The following RDH16 variants were observed in gnomAD, a reference collection of about 807,000 sequenced individuals.
The protein encoded by RDH16 is retinol dehydrogenase 16.
A neutral mutation model predicts 22.3 loss-of-function variants in RDH16; 25 were observed. That is an observed-to-expected ratio of 1.12 (90% CI 0.82 to 1.56). RDH16 has a LOEUF of 1.56. RDH16 is among the 40% of genes most tolerant of loss of function. RDH16 has a pLI of 0.00. For synonymous variants in RDH16, 154 were observed against 164.4 expected (o/e 0.94, Z 0.48); for missense variants, 413 against 394.9 (o/e 1.05, Z -0.39).
chr12:56,952,197 C>T lies in RDH16; in HGVS notation c.786G>A (p.Ser262=), dbSNP rs372244884. The T allele has an allele frequency of 4.4e-5, 71 of 1,614,158 alleles. No individual in the cohort carries two copies. The highest frequency in any genetic ancestry group is 2.9e-4 in the African/African-American group (22 of 75,032). ...QMEQKCTQDL[S]LVTNCMEHAL... ...CATGCTCCATGCAGTTGGTCACCAA[C>T]GACAGATCCTGTGTGCACTTCTGCT... The change falls in exon 4 of 4, where the codon TCG becomes TCA. Residue 262 remains serine, a synonymous_variant. Coordinates refer to ENST00000398138, the MANE Select transcript of RDH16 (RefSeq NM_003708.5).
At position 56,952,854 on chromosome 12, in the gene RDH16, C is replaced by A. The variant is rs746561570; in HGVS notation, c.709G>T (p.Ala237Ser). ...TCTGCAACAAACTTCTCGCCATAGG[C>A]CTCCTTGACCTCTGGACTGGACCGG... is the stretch of plus-strand genomic sequence containing the variant. ...WDRSSPEVKE[A>S]YGEKFVADYK... The change falls in exon 3 of 4, where the codon GCC becomes TCC. Residue 237 changes from alanine (A) to serine (S), a missense_variant. Coordinates refer to ENST00000398138, the MANE Select transcript of RDH16 (RefSeq NM_003708.5). 3.1e-6 allele frequency: 5 copies of A among 1,613,694 alleles called. No individual in the cohort carries two copies. In the African/African-American group the frequency reaches 4.0e-5, roughly 13 times the overall value.
chr12:56,954,932 G>A lies in RDH16; in HGVS notation c.546C>T (p.Gly182=), dbSNP rs371584046. The A allele has an allele frequency of 3.8e-5, 62 of 1,614,124 alleles. No individual in the cohort carries two copies. Among genetic ancestry groups the A allele is most frequent in the Admixed American group, 1.0e-4 (6 of 60,022 alleles). ...FGGGYCISKY[G]VEAFSDSLRR... The stretch of plus-strand genomic sequence containing the variant: ...TGAGGGAGTCAGAGAAGGCTTCCAC[G>A]CCATACTTGGAGATGCAGTAGCCTC... The change falls in exon 2 of 4, where the codon GGC becomes GGT. Residue 182 remains glycine, a synonymous_variant. Coordinates refer to ENST00000398138, the MANE Select transcript of RDH16 (RefSeq NM_003708.5).
At chr12:56,952,346 C>T (rs1019369540) in intron 3 of RDH16, 100 bp from the exon 4 acceptor site, 5 of 1,071,326 alleles carry the variant, frequency 4.7e-6, no homozygotes, top group Non-Finnish European at 6.8e-6. Context: ...TCATGCCACC[C>T]CACAACCCCC....
chr12:56,954,979 C>G lies in RDH16; in HGVS notation c.499G>C (p.Gly167Arg), dbSNP rs1456570631. 15 of 1,614,050 alleles carry G rather than the reference C, an allele frequency of 9.3e-6. No individual in the cohort carries two copies. Among genetic ancestry groups the G allele is most frequent in the Non-Finnish European group, 1.2e-5 (14 of 1,180,030 alleles). ...CCTCCACCAAAAAGTGACACCCGGCCCATGACACTGGAGACGTTGACCACA... is the reference window on the plus strand; with the variant it reads ...CCTCCACCAAAAAGTGACACCCGGCGCATGACACTGGAGACGTTGACCACA... ...GRVVNVSSVM[G>R]RVSLFGGGYC... The change falls in exon 2 of 4, where the codon GGC becomes CGC. Residue 167 changes from glycine (G) to arginine (R), a missense_variant. Coordinates refer to ENST00000398138, the MANE Select transcript of RDH16 (RefSeq NM_003708.5).
At chr12:56,955,266 C>T (rs988602997) in intron 1 of RDH16, 102 bp from the exon 2 acceptor site, 6 of 1,399,358 alleles carry the variant, frequency 4.3e-6, no homozygotes, top group Non-Finnish European at 5.8e-6. Context: ...GGCAGACTGA[C>T]AGGTGTGGGA....
At chr12:56,954,232 C>T (rs558509623) in intron 2 of RDH16, among the ~76,000 whole-genome samples, 30 of 152,256 alleles carry the variant, frequency 2.0e-4, no homozygotes, top group Non-Finnish European at 2.9e-4. Flanking sequence ...TGTGTGTGTC[C>T]GCGGCCCTAA....
At position 56,951,739 on chromosome 12, in the gene RDH16, A is replaced by C. The variant is rs1042202185; in HGVS notation, c.*290T>G. On this transcript the variant is annotated 3_prime_UTR_variant, in exon 4 of 4. Transcript: ENST00000398138. ...CACACCCACCCCAGTTGTTAGCCCA[A>C]GGATGGCCCTAGAGGCTTGGACCCT... The C allele has an allele frequency of 2.3e-6, 1 of 437,644 alleles. No homozygotes were observed. Among genetic ancestry groups the C allele is most frequent in the African/African-American group, 2.0e-5 (1 of 50,788 alleles). 27.1% of individuals were successfully genotyped at this position (437,644 alleles called of 1,614,324 possible).
Position 56,957,392 on chromosome 12 carries a change from A to G in RDH16, c.71T>C (p.Leu24Pro), listed in dbSNP as rs767973636. ...CACATACTTATCTCTCAGGTGGCTC[A>G]GCACCTGCCTCTCCCGGTACCAGTG... ...LLHWYRERQV[L>P]SHLRDKYVFI... The change falls in exon 1 of 4, where the codon CTG (leucine) becomes CCG (proline). Residue 24 changes from leucine (L) to proline (P), a missense_variant. Leu to Pro is a moderately conservative substitution (Grantham distance 98). Coordinates refer to ENST00000398138, the MANE Select transcript of RDH16 (RefSeq NM_003708.5). 5.4e-5 allele frequency: 87 copies of G among 1,614,076 alleles called. 1 individual carries two copies. The highest frequency in any genetic ancestry group is 6.5e-5 in the Non-Finnish European group (77 of 1,180,036).
At position 56,952,704 on chromosome 12, in the gene RDH16, T is replaced by G; in HGVS notation, c.736+123A>C. On this transcript the variant is annotated intron_variant, in intron 3 of 3. Transcript: ENST00000398138. The stretch of plus-strand genomic sequence containing the variant: ...CCCATCATGGAAATGGGGCTAAAGG[T>G]CTCCACTCTGTGGGGAAGGGAGAGC... The G allele has an allele frequency of 2.4e-6, 3 of 1,230,538 alleles. 1 individual carries two copies. Among genetic ancestry groups the G allele is most frequent in the South Asian group, 3.1e-5 (2 of 65,530 alleles). 76.2% of individuals were successfully genotyped at this position (1,230,538 alleles called of 1,614,324 possible).
chr12:56,957,322 TCTG>T lies in RDH16; in HGVS notation c.138_140del (p.Arg47del), dbSNP rs1489336367. On this transcript the variant is annotated inframe_deletion, in exon 1 of 4. Coordinates refer to ENST00000398138, the MANE Select transcript of RDH16 (RefSeq NM_003708.5). The stretch of plus-strand genomic sequence containing the variant: ...CCCGCAAGCCTCGTGCATCCAGCTG[TCTG>T]GCCAGCAGTTTCCCGAAGCCAGAGT... 1 of 1,614,176 alleles carries T rather than the reference TCTG, an allele frequency of 6.2e-7. No individual in the cohort carries two copies.
At chr12:56,954,881 G>A (rs933224942) in intron 2 of RDH16, 25 bp downstream of exon 2, 9 of 1,612,784 alleles carry the variant, frequency 5.6e-6, no homozygotes, top group Non-Finnish European at 7.6e-6. Flanking sequence ...GGAAGACTAG[G>A]GTGGGCCCCA....
At chr12:56,955,321 G>T (rs1955918942) in intron 1 of RDH16, among the ~76,000 whole-genome samples, 157 bp from the exon 2 acceptor site, 2 of 152,096 alleles carry the variant, frequency 1.3e-5, no homozygotes, top group South Asian at 4.2e-4. Context: ...CAGGGGTGGG[G>T]GCTGAGCATT....
intron 2 of RDH16, 64 bp from the exon 3 acceptor site, chr12:56,953,054 A>G (rs1356330348): frequency 2.8e-6 from 4 of 1,441,324 alleles, no homozygotes; most frequent in Non-Finnish European, 3.8e-6. Flanking sequence ...CACAAACAAT[A>G]AAAGTAAAAC....
In RDH16 at chr12:56,957,504, C is replaced by G. The variant is rs1328639877; in HGVS notation, c.-42G>C. ...GACACAGACAGGCTGTGGGGGAAAC[C>G]AGAGTCTGGCCTCTGTTCAGACAGG... is the stretch of plus-strand genomic sequence containing the variant. On this transcript the variant is annotated 5_prime_UTR_variant, in exon 1 of 4. Transcript: ENST00000398138. 1 of 1,566,654 alleles carries G rather than the reference C, an allele frequency of 6.4e-7. No individual in the cohort carries two copies. The highest frequency in any genetic ancestry group is 8.7e-7 in the Non-Finnish European group (1 of 1,151,390).
chr12:56,954,175 C>T (rs1265505644), intron 2 of RDH16, among the ~76,000 whole-genome samples: 1 of 152,210 alleles, frequency 6.6e-6, no homozygotes, highest in Admixed American at 6.5e-5. Flanking sequence ...GTGGAAATAT[C>T]TTTCCCTGTT....
rs752578784 is a variant in RDH16, at chr12:56,952,016, T to C, written c.*13A>G. On this transcript the variant is annotated 3_prime_UTR_variant, in exon 4 of 4. Transcript: ENST00000398138. ...CACCCCAAATCCATGCAACCATGCA[T>C]CCAACCTTAGCTTCATAGAGCCTTG... 6.2e-7 allele frequency: 1 copy of C among 1,611,314 alleles called. No individual in the cohort carries two copies.
Position 56,952,986 on chromosome 12 carries a change from C to T in RDH16, c.577G>A (p.Glu193Lys), listed in dbSNP as rs1480893776. 5 of 1,610,424 alleles carry T rather than the reference C, an allele frequency of 3.1e-6. No homozygotes were observed. The highest frequency in any genetic ancestry group is 1.7e-5 in the Admixed American group (1 of 59,532). Residue 193 changes from glutamate (E) to lysine (K), a missense_variant, in exon 3 of 4, where the codon GAA becomes AAA. Glu to Lys is a moderately conservative substitution (Grantham distance 56). Coordinates refer to ENST00000398138, the MANE Select transcript of RDH16 (RefSeq NM_003708.5). ...VEAFSDSLRRELSYFGVKVAM... is the reference protein window; with the variant it reads ...VEAFSDSLRRKLSYFGVKVAM... ...ACCTTCACCCCAAAGTAGGAGAGTT[C>T]CCTCCTGCAAGACAGAGAAGCAGAG...
At position 56,951,951 on chromosome 12, in the gene RDH16, A is replaced by G. The variant is rs185227925; in HGVS notation, c.*78T>C. On this transcript the variant is annotated 3_prime_UTR_variant, in exon 4 of 4. Coordinates refer to ENST00000398138, the MANE Select transcript of RDH16 (RefSeq NM_003708.5). The stretch of plus-strand genomic sequence containing the variant: ...ACTGACCGGACGGCTCCCTCCCTCC[A>G]CTTTATATCTCTCCCAAGGATACAC... The G allele has an allele frequency of 6.9e-4, 922 of 1,330,666 alleles. 7 individuals carry two copies. The African/African-American group carries it at 0.012, about 17-fold the overall frequency. The allele number at this position is 1,330,666 out of a possible 1,614,324, so 82.4% of individuals were successfully genotyped here.
In RDH16 at chr12:56,952,188, G is replaced by T. The variant is rs1955887303; in HGVS notation, c.795C>A (p.Thr265=). The part of the protein sequence containing the change: ...QKCTQDLSLV[T]NCMEHALIAC... ...CAATCAGCGCATGCTCCATGCAGTT[G>T]GTCACCAACGACAGATCCTGTGTGC... The change falls in exon 4 of 4, where the codon ACC becomes ACA. Residue 265 remains threonine (T), a synonymous_variant. Coordinates refer to ENST00000398138, the MANE Select transcript of RDH16 (RefSeq NM_003708.5). 6.2e-7 allele frequency: 1 copy of T among 1,614,130 alleles called. No individual in the cohort carries two copies. Among genetic ancestry groups the T allele is most frequent in the Non-Finnish European group, 8.5e-7 (1 of 1,180,014 alleles).
Sources: gnomAD v4.1 joint callset for allele counts (sites outside exome capture counted in the v4.1 genomes callset) on GRCh38, gnomAD v4.1.1 for gene constraint, MANE v1.5 for transcripts, NCBI Gene and HGNC (gene_info 2026-07-23, HGNC 2026-07-21) for gene names.